The following UTRN variants were observed in gnomAD, a reference collection of about 807,000 sequenced individuals.
The protein encoded by UTRN is dystrophin-related protein 1.
In UTRN, 283 loss-of-function variants were observed where a neutral mutation model predicts 463.9. The ratio of observed to expected loss-of-function variants is 0.61; its 90% CI spans 0.55 to 0.67. The LOEUF (loss-of-function observed/expected upper bound fraction) is 0.67. Among genes scored for constraint, UTRN ranks in the 30% least tolerant of loss-of-function variants. UTRN has a pLI of 0.00. For synonymous variants in UTRN, 1,442 were observed against 1,431.5 expected, an observed-to-expected ratio of 1.01 and a Z score of -0.17; for missense variants, 3,922 against 4,084.3, an observed-to-expected ratio of 0.96 and a Z score of 1.08.
At chr6:144,531,380 A>G (rs764574807) in intron 42 of UTRN, among the ~76,000 whole-genome samples, 178 bp downstream of exon 42, 7 of 152,192 alleles carry the variant, frequency 4.6e-5, no homozygotes, top group Admixed American at 6.5e-5. Flanking sequence ...GTCAATCACA[A>G]TTTTCAATCA....
chr6:144,765,050 G>A lies in UTRN; in HGVS notation c.8496-6857G>A, dbSNP rs115165946. Reference sequence around the variant, plus strand: ...GAGTCACGGAGATGAGGGTAGGGTTGGGTGGGAGGTGGGGTTCCCTATGAA... The same window carrying A: ...GAGTCACGGAGATGAGGGTAGGGTTAGGTGGGAGGTGGGGTTCCCTATGAA... On this transcript the variant is annotated intron_variant, in intron 58 of 74. Transcript: ENST00000367545. Among the ~76,000 whole-genome samples, 841 of 152,230 alleles carry A rather than the reference G, an allele frequency of 5.5e-3. 5 individuals carry two copies. Among genetic ancestry groups the A allele is most frequent in the African/African-American group, 0.019 (796 of 41,530 alleles).
In UTRN at chr6:144,341,918, A is replaced by G. The variant is rs141788811; in HGVS notation, c.79+50011A>G. On this transcript the variant is annotated intron_variant, in intron 2 of 74. Transcript: ENST00000367545. ...CCAGGAACAATGTTGAAAGTCTTTG[A>G]TTCCTATTGGAAAATAGCCACTGTT... 4.8e-3 allele frequency among the ~76,000 whole-genome samples: 728 copies of G among 152,316 alleles called. 5 individuals carry two copies. The highest frequency in any genetic ancestry group is 0.015 in the African/African-American group (618 of 41,576).
chr6:144,718,044 A>C (rs547259650), intron 53 of UTRN, among the ~76,000 whole-genome samples: 4 of 152,274 alleles, frequency 2.6e-5, no homozygotes, highest in African/African-American at 9.6e-5. Context: ...TTGTTCTGGC[A>C]TTGGTCAACC....
Position 144,851,820 on chromosome 6 carries a change from GACT to G in UTRN, c.*826_*828del, listed in dbSNP as rs780067832. 8 of 152,112 alleles carry G rather than the reference GACT, an allele frequency of 5.3e-5. No homozygotes were observed. The highest frequency in any genetic ancestry group is 3.3e-4 in the Admixed American group (5 of 15,268). The allele number at this position is 152,112 out of a possible 1,614,324, so 9.4% of individuals were successfully genotyped here. On this transcript the variant is annotated 3_prime_UTR_variant, in exon 75 of 75. Transcript: ENST00000367545. ...ATGTCTTAATCTATTTGATAAAGAA[GACT>G]ACATTATAATAATCTCAAAGATCAT...
At chr6:144,651,129 C>G (rs952495653) in intron 51 of UTRN, among the ~76,000 whole-genome samples, 6 of 151,738 alleles carry the variant, frequency 4.0e-5, no homozygotes, top group African/African-American at 1.5e-4. Context: ...TGCTGTTAAA[C>G]CAACCGAAAT....
chr6:144,469,054 A>G (rs1449114713), intron 23 of UTRN, among the ~76,000 whole-genome samples: 1 of 152,050 alleles, frequency 6.6e-6, no homozygotes, highest in Admixed American at 6.5e-5. Context: ...CTTCTAAAGG[A>G]TGGGCCTTTC....
intron 60 of UTRN, among the ~76,000 whole-genome samples, chr6:144,776,327 C>A (rs1775318197): frequency 6.6e-6 from 1 of 152,158 alleles, no homozygotes; most frequent in Admixed American, 6.5e-5. Flanking sequence ...ACCTTAGTGA[C>A]AAGTGCTTGC....
chr6:144,373,136 TATC>T (rs758112161), intron 2 of UTRN, among the ~76,000 whole-genome samples: 9 of 152,206 alleles, frequency 5.9e-5, no homozygotes, highest in Non-Finnish European at 1.2e-4. Context: ...AGCTTTGAGT[TATC>T]ATATAACTCA....
chr6:144,702,801 C>T (rs909065426), intron 53 of UTRN, among the ~76,000 whole-genome samples: 2 of 151,930 alleles, frequency 1.3e-5, no homozygotes, highest in Admixed American at 1.3e-4. Context: ...GCTGGGAGAC[C>T]AATATGTTTG....
chr6:144,294,533 TAAA>T (rs1804519591), intron 2 of UTRN, among the ~76,000 whole-genome samples: 1 of 152,222 alleles, frequency 6.6e-6, no homozygotes, highest in Non-Finnish European at 1.5e-5. Context: ...TTCCATTTTT[TAAA>T]AGGGAATACT....
At chr6:144,592,453 T>G (rs949721431) in intron 51 of UTRN, among the ~76,000 whole-genome samples, 3 of 152,098 alleles carry the variant, frequency 2.0e-5, no homozygotes, top group Non-Finnish European at 4.4e-5. Flanking sequence ...TCACTGCTAC[T>G]TCCACCTCCC....
chr6:144,404,319 A>C (rs552111451), intron 3 of UTRN, among the ~76,000 whole-genome samples: 2 of 152,250 alleles, frequency 1.3e-5, no homozygotes, highest in South Asian at 4.1e-4. Flanking sequence ...TCCAAATCAC[A>C]TGCAGGTGTG....
chr6:144,807,566 G>A (rs529264162), intron 65 of UTRN, among the ~76,000 whole-genome samples: 59 of 152,170 alleles, frequency 3.9e-4, no homozygotes, highest in African/African-American at 1.3e-3. Flanking sequence ...TGACACAGAT[G>A]ATATTTAATG....
chr6:144,559,059 C>T (rs977384783), intron 50 of UTRN, among the ~76,000 whole-genome samples: 2 of 151,080 alleles, frequency 1.3e-5, no homozygotes, highest in African/African-American at 2.4e-5. Flanking sequence ...AAAATTTATC[C>T]GTTAGGAATG....
chr6:144,838,621 A>T (rs1034300351), intron 71 of UTRN, among the ~76,000 whole-genome samples: 20 of 152,126 alleles, frequency 1.3e-4, no homozygotes, highest in African/African-American at 4.6e-4. Context: ...CACTCCCCTC[A>T]CAAAACTCTA....
intron 11 of UTRN, among the ~76,000 whole-genome samples, chr6:144,438,021 C>G (rs1004278440): frequency 1.3e-5 from 2 of 152,186 alleles, no homozygotes; most frequent in African/African-American, 4.8e-5. Context: ...AATCCCAGCA[C>G]TTGGGAGGCC....
chr6:144,555,858 C>A (rs1261959724), intron 49 of UTRN, among the ~76,000 whole-genome samples: 1 of 152,050 alleles, frequency 6.6e-6, no homozygotes, highest in Non-Finnish European at 1.5e-5. Context: ...ACTTACTTAC[C>A]CTGAAGGTTA....
intron 63 of UTRN, among the ~76,000 whole-genome samples, chr6:144,796,777 G>A (rs1190593697): frequency 1.3e-5 from 2 of 152,192 alleles, no homozygotes; most frequent in Admixed American, 1.3e-4. Context: ...CTCACACCGT[G>A]TCTTTGAGGA....
chr6:144,490,962 C>G lies in UTRN; in HGVS notation c.4297C>G (p.Leu1433Val), dbSNP rs201967602. Residue 1433 changes from leucine (L) to valine (V), a missense_variant, in exon 32 of 75, where the codon CTT becomes GTT. Physicochemically the swap from Leu to Val is conservative, Grantham distance 32. Coordinates refer to ENST00000367545, the MANE Select transcript of UTRN (RefSeq NM_007124.3). ...KLREVSTKFQ[L>V]FQKPANFEQR... is the part of the protein sequence containing the mutation. ...CCGAGAGGTGTCCACAAAGTTCCAG[C>G]TTTTCCAGAAGCCAGCTAACTTCGA... is the stretch of plus-strand genomic sequence containing the variant. 8.7e-6 allele frequency: 14 copies of G among 1,608,842 alleles called. No individual in the cohort carries two copies. Among genetic ancestry groups the G allele is most frequent in the Non-Finnish European group, 9.3e-6 (11 of 1,177,456 alleles).
Sources: allele counts gnomAD v4.1 joint callset (sites outside exome capture counted in the v4.1 genomes callset), GRCh38; gene constraint gnomAD v4.1.1; transcripts MANE v1.5; gene names NCBI Gene and HGNC (gene_info 2026-07-23, HGNC 2026-07-21).